Variants in TMEM167A observed in about 807,000 individuals in gnomAD.
TMEM167A encodes protein kish-A.
A neutral mutation model predicts 11.6 loss-of-function variants in TMEM167A; 8 were observed. That is an observed-to-expected ratio of 0.69 (90% CI 0.40 to 1.24). The LOEUF (loss-of-function observed/expected upper bound fraction) is 1.24, where lower values mean the gene tolerates loss of function less well. Among genes scored for constraint, TMEM167A ranks in the 50% most tolerant of loss-of-function variants. The pLI is 0.01. For synonymous variants in TMEM167A, 22 were observed against 28.0 expected (o/e 0.79, Z 0.67); for missense variants, 62 against 87.0 (o/e 0.71, Z 1.14).
chr5:83,061,779 C>G, intron 3 of TMEM167A, 98 bp downstream of exon 3: 3 of 1,170,026 alleles, frequency 2.6e-6, no homozygotes, highest in Non-Finnish European at 3.8e-6. Flanking sequence ...GGGAAGCCTG[C>G]CCTTTAAAAA....
chr5:83,072,003 T>C (rs905723881), intron 1 of TMEM167A, among the ~76,000 whole-genome samples: 3 of 152,218 alleles, frequency 2.0e-5, no homozygotes, highest in African/African-American at 4.8e-5. Context: ...ACAGAGACAT[T>C]TTCTACTTAA....
At chr5:83,062,518 T>G (rs1297199939) in intron 2 of TMEM167A, among the ~76,000 whole-genome samples, 2 of 152,100 alleles carry the variant, frequency 1.3e-5, no homozygotes, top group Non-Finnish European at 2.9e-5. Flanking sequence ...ATATGGCATT[T>G]AAAGCACATA....
At chr5:83,057,797 T>C (rs1016978823) in intron 3 of TMEM167A, among the ~76,000 whole-genome samples, 3 of 152,146 alleles carry the variant, frequency 2.0e-5, no homozygotes, top group African/African-American at 7.2e-5. Context: ...TCACATGCAT[T>C]TAAGGAATGC....
At chr5:83,062,850 C>CTTT (rs76736747) in intron 2 of TMEM167A, among the ~76,000 whole-genome samples, 1,909 of 139,096 alleles carry the variant, frequency 0.014, 38 homozygotes, top group African/African-American at 0.047. Context: ...TTATAGTATA[C>CTTT]TTTTTTTTTT....
intron 1 of TMEM167A, among the ~76,000 whole-genome samples, chr5:83,065,527 A>G (rs1744469126): frequency 6.6e-6 from 1 of 152,148 alleles, no homozygotes; most frequent in South Asian, 2.1e-4. Context: ...TTGGATTTTT[A>G]AAAGTTATTC....
intron 1 of TMEM167A, among the ~76,000 whole-genome samples, chr5:83,072,447 A>G (rs1053053059): frequency 2.0e-5 from 3 of 152,256 alleles, no homozygotes; most frequent in African/African-American, 7.2e-5. Context: ...ACTGCTTATT[A>G]GAACCACTTG....
chr5:83,064,333 T>C (rs1744449678), intron 2 of TMEM167A: 2 of 518,468 alleles, frequency 3.9e-6, no homozygotes, highest in African/African-American at 1.9e-5. Flanking sequence ...CATTTCCACA[T>C]GCAACCTACT....
chr5:83,060,925 G>A (rs114288920), intron 3 of TMEM167A, among the ~76,000 whole-genome samples: 89 of 152,154 alleles, frequency 5.8e-4, no homozygotes, highest in African/African-American at 2.0e-3. Flanking sequence ...TGGGTACCGT[G>A]TTAAATGTTA....
intron 3 of TMEM167A, among the ~76,000 whole-genome samples, chr5:83,058,404 A>G (rs1393521185): frequency 6.6e-6 from 1 of 152,086 alleles, no homozygotes; most frequent in Non-Finnish European, 1.5e-5. Flanking sequence ...CGGCTAAAAA[A>G]AATCTAGAAA....
Position 83,056,505 on chromosome 5 carries a change from A to G in TMEM167A, c.*579T>C, listed in dbSNP as rs1015560889. On this transcript the variant is annotated 3_prime_UTR_variant, in exon 4 of 4. Coordinates refer to ENST00000502346, the MANE Select transcript of TMEM167A (RefSeq NM_174909.5). Reference sequence around the variant, plus strand: ...ACTATTTTTAAGTTACATCTCATTTACCTTCGTCCTTAAGAACTGCATAAG... The same window carrying G: ...ACTATTTTTAAGTTACATCTCATTTGCCTTCGTCCTTAAGAACTGCATAAG... The G allele has an allele frequency of 6.6e-6, 1 of 152,496 alleles. No homozygotes were observed. The highest frequency in any genetic ancestry group is 1.5e-5 in the Non-Finnish European group (1 of 68,346). 9.4% of individuals were successfully genotyped at this position (152,496 alleles called of 1,614,324 possible). A position where few individuals can be genotyped will look rare whatever the true frequency, so the allele number is the denominator to read the frequency against.
chr5:83,075,916 A>G (rs568159950), intron 1 of TMEM167A, among the ~76,000 whole-genome samples: 1 of 152,280 alleles, frequency 6.6e-6, no homozygotes, highest in African/African-American at 2.4e-5. Flanking sequence ...TAGCTCTGCA[A>G]ACAATGTACT....
intron 1 of TMEM167A, among the ~76,000 whole-genome samples, chr5:83,069,199 A>G (rs1227456865): frequency 6.6e-6 from 1 of 152,164 alleles, no homozygotes; most frequent in African/African-American, 2.4e-5. Flanking sequence ...AGATGTACTC[A>G]GACTCTGGTC....
rs528118215 is a variant in TMEM167A at position 83,075,319 on chromosome 5, T to C, written c.3+2002A>G. ...GAGACATGAGAGAAATGTTGAAGGA[T>C]GTTAGGTGTTGGGGGGAACAAGGCA... is the stretch of plus-strand genomic sequence containing the variant. On this transcript the variant is annotated intron_variant, in intron 1 of 3. Transcript: ENST00000502346. Among the ~76,000 whole-genome samples the C allele has an allele frequency of 8.9e-4, 136 of 152,236 alleles. No individual in the cohort carries two copies. The Middle Eastern group carries it at 0.014, about 15-fold the overall frequency.
chr5:83,071,941 G>A (rs1231911747), intron 1 of TMEM167A, among the ~76,000 whole-genome samples: 1 of 152,212 alleles, frequency 6.6e-6, no homozygotes, highest in Non-Finnish European at 1.5e-5. Context: ...TGTAAAATGT[G>A]GGGGCTGGAT....
intron 1 of TMEM167A, among the ~76,000 whole-genome samples, chr5:83,065,785 T>C (rs1389607164): frequency 1.3e-5 from 2 of 152,188 alleles, no homozygotes; most frequent in African/African-American, 4.8e-5. Flanking sequence ...TTGAGTCTTA[T>C]TCCAAAGTTA....
At chr5:83,068,019 G>A (rs2112245945) in intron 1 of TMEM167A, among the ~76,000 whole-genome samples, 1 of 152,210 alleles carries the variant, frequency 6.6e-6, no homozygotes, top group African/African-American at 2.4e-5. Context: ...GTGAAAGCCA[G>A]TGATACACAT....
intron 1 of TMEM167A, among the ~76,000 whole-genome samples, chr5:83,066,228 T>C (rs1744479490): frequency 6.6e-6 from 1 of 152,108 alleles, no homozygotes; most frequent in Admixed American, 6.6e-5. Context: ...AATATGTCAA[T>C]CTCACACAAC....
intron 1 of TMEM167A, among the ~76,000 whole-genome samples, chr5:83,076,272 G>T (rs6893388): frequency 2.5e-3 from 384 of 152,278 alleles, no homozygotes; most frequent in African/African-American, 8.5e-3. Context: ...TACATAGGAC[G>T]TGATAATAAA....
chr5:83,057,260 C>T (rs1744346408), intron 3 of TMEM167A, 106 bp from the exon 4 acceptor site: 5 of 1,043,986 alleles, frequency 4.8e-6, no homozygotes, highest in Non-Finnish European at 7.2e-6. Flanking sequence ...CCCTAGGAGG[C>T]CCGCACATTG....
Sources: allele counts gnomAD v4.1 joint callset (sites outside exome capture counted in the v4.1 genomes callset), GRCh38; gene constraint gnomAD v4.1.1; transcripts MANE v1.5; gene names NCBI Gene and HGNC (gene_info 2026-07-23, HGNC 2026-07-21).